RAB36: variants seen among roughly 807,000 people sequenced by gnomAD.
The protein encoded by RAB36 is RAB36, member RAS oncogene family, also known as ras-related protein Rab-36.
In RAB36, 33 loss-of-function variants were observed where a neutral mutation model predicts 39.3. The observed-to-expected ratio is 0.84, with a 90% CI of 0.64 to 1.12. The LOEUF (loss-of-function observed/expected upper bound fraction) is 1.12, where lower values mean the gene tolerates loss of function less well. RAB36 is among the 50% of genes most tolerant of loss of function. RAB36 has a pLI of 0.00. For missense variants in RAB36, 308 were observed against 355.3 expected, an observed-to-expected ratio of 0.87 and a Z score of 1.07; for synonymous variants, 133 against 140.2, an observed-to-expected ratio of 0.95 and a Z score of 0.36.
chr22:23,154,737 C>T (rs2071362144), intron 5 of RAB36, among the ~76,000 whole-genome samples: 1 of 152,168 alleles, frequency 6.6e-6, no homozygotes, highest in African/African-American at 2.4e-5. Context: ...ACCACCAGCT[C>T]CTCCCCCAGA....
At chr22:23,160,024 T>C (rs1297674751) in intron 9 of RAB36, among the ~76,000 whole-genome samples, 1 of 152,164 alleles carries the variant, frequency 6.6e-6, no homozygotes, top group Non-Finnish European at 1.5e-5. Context: ...TGTTGGGGGA[T>C]GAAATGAAGT....
downstream of RAB36, among the ~76,000 whole-genome samples, chr22:23,166,407 A>T (rs886194863): frequency 6.6e-6 from 1 of 151,642 alleles, no homozygotes; most frequent in African/African-American, 2.4e-5. Flanking sequence ...AGTAAGATGA[A>T]GGGCTGTGTC....
At chr22:23,159,909 A>T (rs1036337206) in intron 9 of RAB36, among the ~76,000 whole-genome samples, 4 of 152,350 alleles carry the variant, frequency 2.6e-5, no homozygotes, top group African/African-American at 9.6e-5. Flanking sequence ...GATGCCATCC[A>T]TCTCCCTTTT....
intron 7 of RAB36, 25 bp from the exon 8 acceptor site, chr22:23,158,873 C>A: frequency 6.2e-7 from 1 of 1,605,780 alleles, no homozygotes; most frequent in Non-Finnish European, 8.5e-7. Context: ...GGGTGAATCT[C>A]TCAGCCTCTC....
chr22:23,156,164 A>ACTGAGAAAACACAG, intron 6 of RAB36, 132 bp downstream of exon 6: 1 of 527,402 alleles, frequency 1.9e-6, no homozygotes, highest in Non-Finnish European at 3.1e-6. Flanking sequence ...AGAAAACACC[A>ACTGAGAAAACACAG]GGCCACTGCT....
downstream of RAB36, among the ~76,000 whole-genome samples, chr22:23,167,711 A>T (rs563401817): frequency 2.0e-3 from 291 of 145,756 alleles, 1 homozygote; most frequent in African/African-American, 7.1e-3. Context: ...TAATTAATTT[A>T]TTTTTTTTTT....
chr22:23,151,591 C>T (rs750997734), intron 3 of RAB36, among the ~76,000 whole-genome samples: 1 of 152,130 alleles, frequency 6.6e-6, no homozygotes, highest in Non-Finnish European at 1.5e-5. Context: ...AAAGTGTTGT[C>T]AACAGTCCCA....
At chr22:23,167,044 C>T (rs1450201128), downstream of RAB36, among the ~76,000 whole-genome samples, 2 of 152,068 alleles carry the variant, frequency 1.3e-5, no homozygotes, top group Non-Finnish European at 2.9e-5. Flanking sequence ...GACTGAGGTG[C>T]AGACAGCTGA....
At chr22:23,149,569 ACT>A (rs1430738024) in intron 2 of RAB36, among the ~76,000 whole-genome samples, 3 of 152,170 alleles carry the variant, frequency 2.0e-5, no homozygotes, top group Non-Finnish European at 4.4e-5. Context: ...ACAGGGTCTC[ACT>A]CTGTCACCCA....
At chr22:23,153,598 C>A in intron 5 of RAB36, 1 of 985,296 alleles carries the variant, frequency 1.0e-6, no homozygotes, top group Non-Finnish European at 1.2e-6. Context: ...GTACACAGCA[C>A]CCACATCCTT....
At chr22:23,156,130 T>A (rs539850693) in intron 6 of RAB36, 98 bp downstream of exon 6, 36 of 758,292 alleles carry the variant, frequency 4.7e-5, no homozygotes, top group Non-Finnish European at 6.8e-5. Flanking sequence ...CAGGCACCAG[T>A]TTTTTGTCCT....
Position 23,162,208 on chromosome 22 carries a change from G to T in RAB36, c.*644G>T. The T allele has an allele frequency of 4.9e-6, 1 of 205,920 alleles. No homozygotes were observed. Among genetic ancestry groups the T allele is most frequent in the Non-Finnish European group, 9.9e-6 (1 of 101,424 alleles). The allele number at this position is 205,920 out of a possible 1,614,324, so 12.8% of individuals were successfully genotyped here. A position where few individuals can be genotyped will look rare whatever the true frequency, so the allele number is the denominator to read the frequency against. On this transcript the variant is annotated 3_prime_UTR_variant, in exon 11 of 11. Transcript: ENST00000263116. The stretch of plus-strand genomic sequence containing the variant: ...ACAAAATGTCTCTTAGACCTGTTCT[G>T]GCTGAAGGGCTATCTCTGGCACCTC...
In RAB36 at chr22:23,161,604, A is replaced by C; in HGVS notation, c.*40A>C. On this transcript the variant is annotated 3_prime_UTR_variant, in exon 11 of 11. Transcript: ENST00000263116. ...GAAGGCCTCCGCTCCCTGCACACAC[A>C]CGGACAGGAATTTCCGTGACTGTGG... 1.3e-6 allele frequency: 2 copies of C among 1,501,642 alleles called. No individual in the cohort carries two copies. The highest frequency in any genetic ancestry group is 1.8e-6 in the Non-Finnish European group (2 of 1,095,742). 93.0% of individuals were successfully genotyped at this position (1,501,642 alleles called of 1,614,324 possible).
rs140492841 is a variant in RAB36 at position 23,165,531 on chromosome 22, C to T, written c.*3967C>T. Among the ~76,000 whole-genome samples the T allele has an allele frequency of 8.7e-4, 132 of 152,328 alleles. 1 individual carries two copies. Among genetic ancestry groups the T allele is most frequent in the African/African-American group, 3.1e-3 (129 of 41,576 alleles). Reference sequence around the variant, plus strand: ...AGGTCTCGGGAAGGACACTTCATGCCAGCTAGAGAGGCTCTGGGCACAGGA... The same window carrying T: ...AGGTCTCGGGAAGGACACTTCATGCTAGCTAGAGAGGCTCTGGGCACAGGA... On this transcript the variant is annotated 3_prime_UTR_variant, in exon 11 of 11. Transcript: ENST00000263116.
intron 5 of RAB36, among the ~76,000 whole-genome samples, chr22:23,154,245 C>G (rs995115836): frequency 2.0e-5 from 3 of 152,212 alleles, no homozygotes; most frequent in African/African-American, 7.2e-5. Context: ...GCCCCGCCCC[C>G]CTCCTCTCCA....
intron 6 of RAB36, among the ~76,000 whole-genome samples, chr22:23,157,104 A>T (rs1336235345): frequency 6.6e-6 from 1 of 152,178 alleles, no homozygotes; most frequent in Non-Finnish European, 1.5e-5. Flanking sequence ...GGGTGCGGCC[A>T]GTGATGAGAG....
rs975264742 is a variant in RAB36 at position 23,145,486 on chromosome 22, GT to G, written c.-77del. Reference sequence around the variant, plus strand: ...GTCCCGCGTGGCTCTCGTTGCCATGGTGATCGCCGCCGCTGGCTCAGGCGGA... The same window carrying G: ...GTCCCGCGTGGCTCTCGTTGCCATGGGATCGCCGCCGCTGGCTCAGGCGGA... On this transcript the variant is annotated 5_prime_UTR_variant, in exon 1 of 11. Transcript: ENST00000263116. 1 of 1,608,562 alleles carries G rather than the reference GT, an allele frequency of 6.2e-7. No homozygotes were observed.
chr22:23,161,059 C>A, intron 10 of RAB36, 61 bp downstream of exon 10: 1 of 1,534,618 alleles, frequency 6.5e-7, no homozygotes, highest in Non-Finnish European at 8.8e-7. Context: ...AATCCACATG[C>A]GCCATCCTCG....
chr22:23,149,626 C>G (rs2070990281), intron 2 of RAB36, among the ~76,000 whole-genome samples: 1 of 152,248 alleles, frequency 6.6e-6, no homozygotes, highest in Admixed American at 6.5e-5. Flanking sequence ...CAGCCTCTGT[C>G]TCTTGAGCTG....
Sources: gnomAD v4.1 joint callset for allele counts (sites outside exome capture counted in the v4.1 genomes callset) on GRCh38, gnomAD v4.1.1 for gene constraint, MANE v1.5 for transcripts, NCBI Gene and HGNC (gene_info 2026-07-23, HGNC 2026-07-21) for gene names.